PTGFR: variants seen among roughly 807,000 people sequenced by gnomAD.
PTGFR encodes prostaglandin F receptor.
PTGFR carries 15 observed loss-of-function variants against 26.2 expected under a neutral mutation model. The ratio of observed to expected loss-of-function variants is 0.57; its 90% confidence interval spans 0.38 to 0.88. PTGFR has a LOEUF of 0.88. Ranked by LOEUF, PTGFR falls within the 40% of genes least tolerant of loss-of-function variation. PTGFR has a pLI of 0.00. For missense variants in PTGFR, 369 were observed against 427.2 expected (o/e 0.86, Z 1.20); for synonymous variants, 165 against 151.1 (o/e 1.09, Z -0.68).
chr1:78,525,488 C>A (rs1650348596), intron 2 of PTGFR, among the ~76,000 whole-genome samples: 1 of 151,986 alleles, frequency 6.6e-6, no homozygotes, highest in Non-Finnish European at 1.5e-5. Context: ...GCTTCCATGT[C>A]CTTAGGATGT....
At position 78,508,034 on chromosome 1, in the gene PTGFR, G is replaced by A. The variant is rs1649868457; in HGVS notation, c.798+14493G>A. 2.6e-5 allele frequency among the ~76,000 whole-genome samples: 4 copies of A among 152,128 alleles called. No individual in the cohort carries two copies. In the South Asian group the frequency reaches 8.3e-4, roughly 32 times the overall value. Reference sequence around the variant, plus strand: ...TGTAGTTACTTATGGGATTATCTTTGGAATTTGTTTCAGTGTGGGAATACT... The same window carrying A: ...TGTAGTTACTTATGGGATTATCTTTAGAATTTGTTTCAGTGTGGGAATACT... On this transcript the variant is annotated intron_variant, in intron 2 of 2. Coordinates refer to ENST00000370757, the MANE Select transcript of PTGFR (RefSeq NM_000959.4).
intron 2 of PTGFR, among the ~76,000 whole-genome samples, chr1:78,530,248 G>C (rs1650471480): frequency 1.3e-5 from 2 of 152,030 alleles, no homozygotes; most frequent in Non-Finnish European, 2.9e-5. Context: ...TCATTGTTTT[G>C]ACAGCCATCC....
intron 2 of PTGFR, among the ~76,000 whole-genome samples, chr1:78,501,083 T>G (rs1403571842): frequency 6.6e-6 from 1 of 152,122 alleles, no homozygotes; most frequent in Non-Finnish European, 1.5e-5. Context: ...AAACATTACT[T>G]GAATGACTTA....
In PTGFR at chr1:78,491,031, G is replaced by A. The variant is rs781635366; in HGVS notation, c.-278G>A. 2.0e-5 allele frequency: 3 copies of A among 152,362 alleles called. No homozygotes were observed. The highest frequency in any genetic ancestry group is 4.4e-5 in the Non-Finnish European group (3 of 68,058). 9.4% of individuals were successfully genotyped at this position (152,362 alleles called of 1,614,324 possible). A position where few individuals can be genotyped will look rare whatever the true frequency, so the allele number is the denominator to read the frequency against. ...CGCAGCTAGGTGCAGAGGGATCCCAGGAGCCGCGCGCGCCCCGCAGTTTCC... is the reference window on the plus strand; with the variant it reads ...CGCAGCTAGGTGCAGAGGGATCCCAAGAGCCGCGCGCGCCCCGCAGTTTCC... On this transcript the variant is annotated 5_prime_UTR_variant, in exon 1 of 3. Coordinates refer to ENST00000370757, the MANE Select transcript of PTGFR (RefSeq NM_000959.4).
In PTGFR at chr1:78,536,695, G is replaced by T. The variant is rs1650665233; in HGVS notation, c.*8G>T. On this transcript the variant is annotated 3_prime_UTR_variant, in exon 3 of 3. Coordinates refer to ENST00000370757, the MANE Select transcript of PTGFR (RefSeq NM_000959.4). ...AAATCAGCAAGCACCTAGCTTAATA[G>T]GACAGTAAATCTGTGTGGGGCTAGA... The T allele has an allele frequency of 1.2e-6, 2 of 1,608,068 alleles. No homozygotes were observed. The highest frequency in any genetic ancestry group is 1.1e-5 in the South Asian group (1 of 90,240).
chr1:78,496,372 T>G (rs190613843), intron 2 of PTGFR, among the ~76,000 whole-genome samples: 142 of 152,314 alleles, frequency 9.3e-4, no homozygotes, highest in African/African-American at 3.2e-3. Context: ...AAAATACCCC[T>G]GAAACCAAGC....
intron 2 of PTGFR, among the ~76,000 whole-genome samples, chr1:78,511,735 CT>C (rs1219112562): frequency 2.0e-5 from 3 of 152,064 alleles, no homozygotes; most frequent in Non-Finnish European, 4.4e-5. Context: ...CTGAAAAATG[CT>C]TTTTTTCTCT....
intron 2 of PTGFR, among the ~76,000 whole-genome samples, chr1:78,510,070 A>G (rs1404519746): frequency 6.6e-6 from 1 of 152,196 alleles, no homozygotes; most frequent in East Asian, 1.9e-4. Flanking sequence ...GCAGCAACCA[A>G]TTAAAAATCA....
At chr1:78,517,853 A>G (rs1435395928) in intron 2 of PTGFR, among the ~76,000 whole-genome samples, 1 of 152,198 alleles carries the variant, frequency 6.6e-6, no homozygotes, top group Non-Finnish European at 1.5e-5. Flanking sequence ...ATTATAATGG[A>G]ACAGAATATA....
In PTGFR at chr1:78,492,708, A is replaced by T. The variant is rs775908798; in HGVS notation, c.-36A>T. ...GCAATCCTGCACAGTTTTGAGAGGG[A>T]GATGACTTGAGTGGTTGGCTTTTAT... On this transcript the variant is annotated 5_prime_UTR_variant, in exon 2 of 3. An upstream open reading frame in the 5' UTR gains an earlier in-frame stop. Coordinates refer to ENST00000370757, the MANE Select transcript of PTGFR (RefSeq NM_000959.4). 33 of 1,564,330 alleles carry T rather than the reference A, an allele frequency of 2.1e-5. No homozygotes were observed. The Middle Eastern group carries it at 6.8e-4, about 32-fold the overall frequency.
intron 2 of PTGFR, among the ~76,000 whole-genome samples, 168 bp from the exon 3 acceptor site, chr1:78,536,238 G>T (rs1441890031): frequency 6.6e-6 from 1 of 152,048 alleles, no homozygotes; most frequent in Non-Finnish European, 1.5e-5. Context: ...TGATTCATTT[G>T]TCTCCATCAG....
At position 78,532,245 on chromosome 1, in the gene PTGFR, A is replaced by G. The variant is rs116565406; in HGVS notation, c.799-4161A>G. The G allele has an allele frequency of 7.9e-3, 3,260 of 411,776 alleles. 32 individuals carry two copies. The highest frequency in any genetic ancestry group is 0.012 in the Non-Finnish European group (2,522 of 208,052). 25.5% of individuals were successfully genotyped at this position (411,776 alleles called of 1,614,324 possible). On this transcript the variant is annotated intron_variant, in intron 2 of 2. Coordinates refer to ENST00000370757, the MANE Select transcript of PTGFR (RefSeq NM_000959.4). ...ACACTCAACGAGAAATGACAGAAAA[A>G]CAAGGTGTGGATGGAGAGGCAACAT...
At chr1:78,530,893 T>C (rs1342726685) in intron 2 of PTGFR, among the ~76,000 whole-genome samples, 2 of 149,902 alleles carry the variant, frequency 1.3e-5, no homozygotes, top group African/African-American at 2.4e-5. Context: ...TTAATGTGTC[T>C]GTGACTTGGC....
chr1:78,502,949 A>T (rs1266785614), intron 2 of PTGFR, among the ~76,000 whole-genome samples: 4 of 152,164 alleles, frequency 2.6e-5, no homozygotes, highest in African/African-American at 9.6e-5. Flanking sequence ...ATGTTTGTGG[A>T]TGAGATTATT....
chr1:78,521,480 A>C (rs752885312), intron 2 of PTGFR, among the ~76,000 whole-genome samples: 14 of 152,112 alleles, frequency 9.2e-5, no homozygotes, highest in Non-Finnish European at 1.9e-4. Context: ...ATGTGTGTTC[A>C]TTGTATAAAA....
chr1:78,498,016 AT>A, intron 2 of PTGFR: 1 of 1,157,214 alleles, frequency 8.6e-7, no homozygotes, highest in Non-Finnish European at 1.3e-6. Flanking sequence ...GGTTACTCTT[AT>A]GCTAATATTT....
At chr1:78,494,809 T>C (rs1315219596) in intron 2 of PTGFR, among the ~76,000 whole-genome samples, 2 of 152,188 alleles carry the variant, frequency 1.3e-5, no homozygotes, top group South Asian at 2.1e-4. Context: ...TTTCACCATG[T>C]TGGCCAGGCT....
intron 2 of PTGFR, among the ~76,000 whole-genome samples, chr1:78,518,007 AAAG>A (rs1419974113): frequency 2.6e-5 from 4 of 152,194 alleles, no homozygotes; most frequent in Admixed American, 1.3e-4. Flanking sequence ...TGTAAATAAC[AAAG>A]AAAATGCTTT....
At chr1:78,503,373 C>T (rs1416442569) in intron 2 of PTGFR, among the ~76,000 whole-genome samples, 1 of 151,922 alleles carries the variant, frequency 6.6e-6, no homozygotes, top group East Asian at 1.9e-4. Context: ...TCTAAGAATT[C>T]AAGGAAGTTT....
Sources: allele counts gnomAD v4.1 joint callset (sites outside exome capture counted in the v4.1 genomes callset), GRCh38; gene constraint gnomAD v4.1.1; transcripts MANE v1.5; gene names NCBI Gene and HGNC (gene_info 2026-07-23, HGNC 2026-07-21).